RBMS3: variants seen among roughly 807,000 people sequenced by gnomAD.
RBMS3 encodes the protein RNA binding motif single stranded interacting protein 3, also known as RNA-binding motif, single-stranded-interacting protein 3.
A neutral mutation model predicts 66.8 loss-of-function variants in RBMS3; 27 were observed. The ratio of observed to expected loss-of-function variants is 0.40; its 90% CI spans 0.30 to 0.56. The LOEUF (loss-of-function observed/expected upper bound fraction) is 0.56. Among genes scored for constraint, RBMS3 ranks in the 20% least tolerant of loss-of-function variants. The pLI, the probability that RBMS3 is intolerant of heterozygous loss-of-function variation, is 0.40. For missense variants in RBMS3, 513 were observed against 549.5 expected (o/e 0.93, Z 0.66); for synonymous variants, 188 against 183.0 (o/e 1.03, Z -0.22).
chr3:29,439,601 A>ATT (rs916663887), intron 2 of RBMS3, among the ~76,000 whole-genome samples: 2 of 151,036 alleles, frequency 1.3e-5, no homozygotes, highest in Non-Finnish European at 2.9e-5. Flanking sequence ...CTTTTTATTT[A>ATT]TTTATTTATT....
chr3:29,515,384 T>C (rs1292285931), intron 3 of RBMS3, among the ~76,000 whole-genome samples: 2 of 152,168 alleles, frequency 1.3e-5, no homozygotes, highest in Admixed American at 1.3e-4. Context: ...GTGAAGGGTC[T>C]TGCATCAAGG....
At chr3:29,871,078 T>A (rs2149554209) in intron 7 of RBMS3, among the ~76,000 whole-genome samples, 1 of 152,272 alleles carries the variant, frequency 6.6e-6, no homozygotes, top group South Asian at 2.1e-4. Flanking sequence ...GTTGATAAAG[T>A]TGTCATGATA....
chr3:29,491,746 C>A (rs2043552128), intron 3 of RBMS3, among the ~76,000 whole-genome samples: 1 of 152,192 alleles, frequency 6.6e-6, no homozygotes. Flanking sequence ...GTAATCCCAG[C>A]ACTTTGGGAG....
chr3:29,832,230 T>G (rs149589878), intron 6 of RBMS3, among the ~76,000 whole-genome samples: 2 of 151,818 alleles, frequency 1.3e-5, no homozygotes, highest in African/African-American at 4.8e-5. Flanking sequence ...AAGAGAGAGG[T>G]GGAAGGAGAA....
At chr3:29,736,319 C>G (rs1412518122) in intron 4 of RBMS3, among the ~76,000 whole-genome samples, 1 of 152,138 alleles carries the variant, frequency 6.6e-6, no homozygotes, top group African/African-American at 2.4e-5. Context: ...AAAGAGTTGG[C>G]CTTGTTGTTT....
intron 4 of RBMS3, among the ~76,000 whole-genome samples, chr3:29,679,337 G>C (rs559133401): frequency 6.6e-6 from 1 of 152,012 alleles, no homozygotes; most frequent in African/African-American, 2.4e-5. Context: ...ATTATCCGTC[G>C]ATTTTTCTAT....
chr3:29,678,811 A>G (rs2051365781), intron 4 of RBMS3, among the ~76,000 whole-genome samples: 1 of 152,148 alleles, frequency 6.6e-6, no homozygotes, highest in Non-Finnish European at 1.5e-5. Flanking sequence ...GAAAGATTCA[A>G]CATATGGAGT....
chr3:29,534,637 G>A (rs187696467), intron 3 of RBMS3, among the ~76,000 whole-genome samples: 16 of 152,206 alleles, frequency 1.1e-4, no homozygotes, highest in Admixed American at 9.2e-4. Context: ...GATTTTGTTG[G>A]AATTAGTTTA....
intron 4 of RBMS3, among the ~76,000 whole-genome samples, chr3:29,623,042 G>C (rs906882720): frequency 6.7e-6 from 1 of 149,270 alleles, no homozygotes; most frequent in East Asian, 2.0e-4. Flanking sequence ...GCGTGAACTG[G>C]CAAGCTTGCA....
intron 4 of RBMS3, among the ~76,000 whole-genome samples, chr3:29,600,665 C>A (rs2048112250): frequency 1.3e-5 from 2 of 152,036 alleles, no homozygotes; most frequent in African/African-American, 4.8e-5. Flanking sequence ...CATAAAGTAG[C>A]CAAAAATAAT....
At chr3:29,698,211 T>G in intron 4 of RBMS3, 1 of 985,136 alleles carries the variant, frequency 1.0e-6, no homozygotes, top group Non-Finnish European at 1.2e-6. Flanking sequence ...TTCAATTTTA[T>G]AAGAGTCCAG....
chr3:29,526,953 C>A (rs918112932), intron 3 of RBMS3, among the ~76,000 whole-genome samples: 2 of 151,952 alleles, frequency 1.3e-5, no homozygotes, highest in South Asian at 2.1e-4. Context: ...GGCTTCCAAA[C>A]TTTTCAACGT....
intron 1 of RBMS3, among the ~76,000 whole-genome samples, chr3:29,362,605 C>G (rs2037666459): frequency 6.6e-6 from 1 of 152,112 alleles, no homozygotes; most frequent in Admixed American, 6.6e-5. Context: ...CACCCATCTT[C>G]TGCGTCACTC....
intron 1 of RBMS3, among the ~76,000 whole-genome samples, chr3:29,391,381 T>A (rs2039286923): frequency 6.7e-6 from 1 of 149,398 alleles, no homozygotes; most frequent in Non-Finnish European, 1.5e-5. Context: ...GCAAGCCAGG[T>A]AGAACAACTG....
chr3:29,446,553 A>G (rs1339099098), intron 2 of RBMS3, among the ~76,000 whole-genome samples: 1 of 152,172 alleles, frequency 6.6e-6, no homozygotes, highest in African/African-American at 2.4e-5. Flanking sequence ...GAATAAATAC[A>G]TACAATTTAG....
At chr3:29,509,948 A>C (rs2044333292) in intron 3 of RBMS3, among the ~76,000 whole-genome samples, 1 of 152,254 alleles carries the variant, frequency 6.6e-6, no homozygotes, top group African/African-American at 2.4e-5. Flanking sequence ...GAATGGCTTA[A>C]CCACATCTCA....
intron 11 of RBMS3, among the ~76,000 whole-genome samples, chr3:29,942,250 G>T (rs560882890): frequency 6.6e-6 from 1 of 151,882 alleles, no homozygotes; most frequent in Admixed American, 6.6e-5. Context: ...AGGCTGTAGT[G>T]GTTCATGCCT....
chr3:29,634,564 C>T (rs572383962), intron 4 of RBMS3, among the ~76,000 whole-genome samples: 2 of 151,786 alleles, frequency 1.3e-5, no homozygotes, highest in African/African-American at 4.8e-5. Context: ...GGCAGGTGTT[C>T]TATACTGTGT....
At position 30,009,043 on chromosome 3, in the gene RBMS3, A is replaced by AATAAT. The variant is rs1279758654; in HGVS notation, c.*5185_*5189dup. The AATAAT allele has an allele frequency of 1.3e-5, 2 of 152,084 alleles. No individual in the cohort carries two copies. The highest frequency in any genetic ancestry group is 2.9e-5 in the Non-Finnish European group (2 of 67,958). 9.4% of individuals were successfully genotyped at this position (152,084 alleles called of 1,614,324 possible). On this transcript the variant is annotated 3_prime_UTR_variant, in exon 15 of 15. Coordinates refer to ENST00000383767, the MANE Select transcript of RBMS3 (RefSeq NM_001003793.3). Reference sequence around the variant, plus strand: ...ATTTCTGTTTATTTTTGTGAGGGAAAATAATATATCAAGAAAATTTTCTTC... The same window carrying AATAAT: ...ATTTCTGTTTATTTTTGTGAGGGAAAATAATATAATATATCAAGAAAATTTTCTTC...
Sources: allele counts gnomAD v4.1 joint callset (sites outside exome capture counted in the v4.1 genomes callset), GRCh38; gene constraint gnomAD v4.1.1; transcripts MANE v1.5; gene names NCBI Gene and HGNC (gene_info 2026-07-23, HGNC 2026-07-21).